The following ADAM18 variants were observed in gnomAD, a reference collection of about 807,000 sequenced individuals.
The protein encoded by ADAM18 is ADAM metallopeptidase domain 18, also known as disintegrin and metalloproteinase domain-containing protein 18.
A neutral mutation model predicts 94.4 loss-of-function variants in ADAM18; 117 were observed. The observed-to-expected ratio is 1.24, with a 90% CI of 1.07 to 1.45. ADAM18 has a LOEUF of 1.45. Among genes scored for constraint, ADAM18 ranks in the 40% most tolerant of loss-of-function variants. The probability of loss-of-function intolerance (pLI) is 0.00; values close to 1 mark genes in which losing one functional copy is unlikely to be tolerated. For missense variants in ADAM18, 936 were observed against 880.0 expected (o/e 1.06, Z -0.81); for synonymous variants, 327 against 291.6 (o/e 1.12, Z -1.24).
chr8:39,631,521 T>C (rs1378203888), intron 7 of ADAM18, among the ~76,000 whole-genome samples: 1 of 152,048 alleles, frequency 6.6e-6, no homozygotes, highest in African/African-American at 2.4e-5. Flanking sequence ...CTTAGGTTGC[T>C]GTTCACTTCC....
chr8:39,663,471 C>T (rs560161522), intron 12 of ADAM18, among the ~76,000 whole-genome samples: 192 of 145,866 alleles, frequency 1.3e-3, no homozygotes, highest in African/African-American at 3.7e-3. Flanking sequence ...TGATTGCTTA[C>T]ACCTCTGGTC....
At position 39,613,047 on chromosome 8, in the gene ADAM18, C is replaced by T. The variant is rs1334611393; in HGVS notation, c.522+2341C>T. Reference sequence around the variant, plus strand: ...AACACACCTGGATGCGTGGACTCCACCATGTCTCCCTGTTGCTGCTGCCAT... The same window carrying T: ...AACACACCTGGATGCGTGGACTCCATCATGTCTCCCTGTTGCTGCTGCCAT... On this transcript the variant is annotated intron_variant, in intron 6 of 19. Coordinates refer to ENST00000265707, the MANE Select transcript of ADAM18 (RefSeq NM_014237.3). Among the ~76,000 whole-genome samples, 5 of 152,044 alleles carry T rather than the reference C, an allele frequency of 3.3e-5. No homozygotes were observed. In the South Asian group the frequency reaches 6.2e-4, roughly 19 times the overall value.
intron 17 of ADAM18, among the ~76,000 whole-genome samples, 195 bp downstream of exon 17, chr8:39,692,875 T>C (rs1015157784): frequency 6.6e-6 from 1 of 151,664 alleles, no homozygotes; most frequent in Non-Finnish European, 1.5e-5. Flanking sequence ...CTGTAAGCAG[T>C]CACAACTTAG....
At chr8:39,685,351 C>T (rs959043259) in intron 16 of ADAM18, 1 of 152,218 alleles carries the variant, frequency 6.6e-6, no homozygotes, top group African/African-American at 2.4e-5. Context: ...GAGTCATACC[C>T]GATATGGTTG....
intron 16 of ADAM18, among the ~76,000 whole-genome samples, chr8:39,682,259 G>A (rs1307701836): frequency 6.6e-6 from 1 of 152,158 alleles, no homozygotes; most frequent in South Asian, 2.1e-4. Context: ...AGAAGCCTAA[G>A]GTAGAAAACG....
At chr8:39,688,541 A>G (rs1250514152) in intron 16 of ADAM18, among the ~76,000 whole-genome samples, 2 of 152,124 alleles carry the variant, frequency 1.3e-5, no homozygotes, top group African/African-American at 4.8e-5. Context: ...AGCTCCATCC[A>G]TGTCCCTGCA....
intron 3 of ADAM18, among the ~76,000 whole-genome samples, 195 bp downstream of exon 3, chr8:39,606,557 G>A (rs375574353): frequency 3.3e-5 from 5 of 151,956 alleles, no homozygotes; most frequent in South Asian, 2.1e-4. Context: ...TTTAATTTTC[G>A]CTTGATATTT....
intron 13 of ADAM18, among the ~76,000 whole-genome samples, chr8:39,667,254 T>C (rs947147091): frequency 4.0e-5 from 6 of 151,492 alleles, no homozygotes; most frequent in Admixed American, 3.3e-4. Context: ...ATACAAAAAT[T>C]AGCCAGGCGT....
At chr8:39,616,066 T>C (rs947846737) in intron 6 of ADAM18, among the ~76,000 whole-genome samples, 1 of 151,920 alleles carries the variant, frequency 6.6e-6, no homozygotes, top group South Asian at 2.1e-4. Flanking sequence ...CAGAAACAAA[T>C]GGGGAAAATA....
rs1262387831 is a variant in ADAM18 at position 39,648,467 on chromosome 8, A to G, written c.1170A>G (p.Gln390=). 6.2e-7 allele frequency: 1 copy of G among 1,613,344 alleles called. No individual in the cohort carries two copies. The part of the protein sequence containing the change: ...LSNLQPLHQN[Q]PVCGNGILES... The stretch of plus-strand genomic sequence containing the variant: ...ATTTGCAACCATTACATCAAAATCA[A>G]CCAGTGTGTGGTAATGGGATTTTGG... Residue 390 remains glutamine (Q), a synonymous_variant, in exon 12 of 20, where the codon CAA becomes CAG. Transcript: ENST00000265707.
At chr8:39,635,171 T>A (rs1175008985) in intron 7 of ADAM18, among the ~76,000 whole-genome samples, 4 of 152,182 alleles carry the variant, frequency 2.6e-5, no homozygotes, top group Non-Finnish European at 5.9e-5. Context: ...ACTTCTCCAC[T>A]CCCAGAAATG....
chr8:39,666,917 T>G (rs6474165), intron 13 of ADAM18, among the ~76,000 whole-genome samples: 118,530 of 151,270 alleles, frequency 0.78, 47,029 homozygotes, highest in Middle Eastern at 0.88. Flanking sequence ...GTGTGTGTGT[T>G]TGTGTGCATG....
intron 16 of ADAM18, among the ~76,000 whole-genome samples, chr8:39,682,782 A>C (rs1821503524): frequency 6.6e-6 from 1 of 152,234 alleles, no homozygotes; most frequent in African/African-American, 2.4e-5. Flanking sequence ...AAGTATACCC[A>C]TGAACCTAAT....
intron 17 of ADAM18, among the ~76,000 whole-genome samples, chr8:39,694,735 C>A (rs1453093671): frequency 6.6e-6 from 1 of 151,426 alleles, no homozygotes; most frequent in Non-Finnish European, 1.5e-5. Flanking sequence ...AGAGGGATGC[C>A]CTATAATTCC....
intron 12 of ADAM18, among the ~76,000 whole-genome samples, chr8:39,657,406 G>C (rs1420689261): frequency 6.6e-6 from 1 of 152,100 alleles, no homozygotes; most frequent in Non-Finnish European, 1.5e-5. Context: ...CTGCCTCCCA[G>C]GTTCAAGAGA....
chr8:39,668,250 A>G, intron 14 of ADAM18, 54 bp downstream of exon 14: 1 of 1,534,216 alleles, frequency 6.5e-7, no homozygotes, highest in Non-Finnish European at 9.0e-7. Context: ...CTCTCTGTAG[A>G]GTACATTATG....
intron 7 of ADAM18, among the ~76,000 whole-genome samples, chr8:39,635,527 A>ATAG (rs1432665282): frequency 3.3e-5 from 5 of 152,316 alleles, no homozygotes; most frequent in African/African-American, 1.2e-4. Flanking sequence ...AACTTCTTAT[A>ATAG]TAATCATAAT....
chr8:39,697,563 T>C (rs1470545010), intron 17 of ADAM18, among the ~76,000 whole-genome samples: 1 of 151,840 alleles, frequency 6.6e-6, no homozygotes, highest in Non-Finnish European at 1.5e-5. Flanking sequence ...AACACAATAA[T>C]TATTGTTTTC....
At chr8:39,584,702 T>C in intron 1 of ADAM18, 25 bp downstream of exon 1, 1 of 1,610,440 alleles carries the variant, frequency 6.2e-7, no homozygotes, top group Non-Finnish European at 8.5e-7. Flanking sequence ...GCCTCCCCTT[T>C]CTTCTTCGAC....
Sources: gnomAD v4.1 joint callset for allele counts (sites outside exome capture counted in the v4.1 genomes callset) on GRCh38, gnomAD v4.1.1 for gene constraint, MANE v1.5 for transcripts, NCBI Gene and HGNC (gene_info 2026-07-23, HGNC 2026-07-21) for gene names.